The following PPIP5K2 variants were observed in gnomAD, a reference collection of about 807,000 sequenced individuals.
The protein encoded by PPIP5K2 is diphosphoinositol pentakisphosphate kinase 2.
Under a neutral mutation model 154.6 loss-of-function variants are expected in PPIP5K2, and 105 were observed. That is an observed-to-expected ratio of 0.68 (90% CI 0.58 to 0.80). The LOEUF (loss-of-function observed/expected upper bound fraction) is 0.80, where lower values mean the gene tolerates loss of function less well. PPIP5K2 is among the 30% of genes least tolerant of loss of function. PPIP5K2 has a pLI of 0.00. For synonymous variants in PPIP5K2, 480 were observed against 490.3 expected (o/e 0.98, Z 0.28); for missense variants, 992 against 1,504.6 (o/e 0.66, Z 5.64).
At chr5:103,162,832 A>T (rs1554216433) in intron 17 of PPIP5K2, among the ~76,000 whole-genome samples, 1 of 152,042 alleles carries the variant, frequency 6.6e-6, no homozygotes, top group African/African-American at 2.4e-5. Context: ...CTTCACATTT[A>T]TCTGTATATC....
rs1803503190 is a variant in PPIP5K2 at position 103,206,157 on chromosome 5, C to G, written c.*4523C>G. 6.6e-6 allele frequency: 1 copy of G among 152,138 alleles called. No homozygotes were observed. Among genetic ancestry groups the G allele is most frequent in the African/African-American group, 2.4e-5 (1 of 41,420 alleles). 9.4% of individuals were successfully genotyped at this position (152,138 alleles called of 1,614,324 possible). On this transcript the variant is annotated 3_prime_UTR_variant, in exon 31 of 31. Transcript: ENST00000358359. ...TCAGAAAATGTATTATTACACATTT[C>G]TGAAGGTCCAAAGGTGGGGTTGGCT... is the stretch of plus-strand genomic sequence containing the variant.
At chr5:103,187,095 C>A (rs567114746) in intron 27 of PPIP5K2, among the ~76,000 whole-genome samples, 36 of 152,210 alleles carry the variant, frequency 2.4e-4, no homozygotes, top group African/African-American at 7.7e-4. Flanking sequence ...GCCAGCTCAT[C>A]TTGCTTTTCT....
intron 9 of PPIP5K2, 95 bp downstream of exon 9, chr5:103,151,469 T>A: frequency 9.7e-7 from 1 of 1,035,000 alleles, no homozygotes; most frequent in South Asian, 1.6e-5. Context: ...TTTTAAGCAT[T>A]CTAGAGTAAA....
intron 7 of PPIP5K2, 84 bp downstream of exon 7, chr5:103,148,116 C>A: frequency 1.1e-6 from 1 of 950,146 alleles, no homozygotes; most frequent in Non-Finnish European, 1.7e-6. Context: ...TTAGCTATAT[C>A]TAACCTTTAT....
chr5:103,148,244 G>T, intron 7 of PPIP5K2: 1 of 577,812 alleles, frequency 1.7e-6, no homozygotes, highest in Non-Finnish European at 3.1e-6. Context: ...CTTTAAACAT[G>T]TAAGATTATG....
At chr5:103,200,606 GT>G (rs1253656293) in intron 30 of PPIP5K2, among the ~76,000 whole-genome samples, 1 of 148,940 alleles carries the variant, frequency 6.7e-6, no homozygotes, top group African/African-American at 2.5e-5. Context: ...ACCTAGAATG[GT>G]TTTTTATTTT....
chr5:103,153,175 T>C (rs1210573768), intron 10 of PPIP5K2, among the ~76,000 whole-genome samples: 1 of 151,870 alleles, frequency 6.6e-6, no homozygotes, highest in Non-Finnish European at 1.5e-5. Context: ...TAGATATTTA[T>C]ATTAACATGT....
At chr5:103,143,029 A>C (rs1439598473) in intron 5 of PPIP5K2, among the ~76,000 whole-genome samples, 1 of 152,238 alleles carries the variant, frequency 6.6e-6, no homozygotes, top group Non-Finnish European at 1.5e-5. Flanking sequence ...TAAAATGTAG[A>C]GTTTTTAAAA....
At chr5:103,178,694 T>C (rs993669765) in intron 23 of PPIP5K2, among the ~76,000 whole-genome samples, 1 of 151,696 alleles carries the variant, frequency 6.6e-6, no homozygotes, top group Non-Finnish European at 1.5e-5. Flanking sequence ...TTTTTCAGTA[T>C]TGGGTCTTCT....
chr5:103,120,759 C>G (rs1554198721), intron 1 of PPIP5K2: 2 of 322,452 alleles, frequency 6.2e-6, no homozygotes. Flanking sequence ...TGAAGATCAG[C>G]TAAAAGGGAA....
intron 28 of PPIP5K2, 108 bp downstream of exon 28, chr5:103,187,484 A>G: frequency 1.2e-6 from 1 of 851,694 alleles, no homozygotes; most frequent in Non-Finnish European, 1.8e-6. Context: ...CTTCATCCTT[A>G]ATGTCAATTG....
At position 103,201,655 on chromosome 5, in the gene PPIP5K2, C is replaced by A. The variant is rs1562523556; in HGVS notation, c.*21C>A. The A allele has an allele frequency of 5.5e-6, 8 of 1,459,910 alleles. No homozygotes were observed. The highest frequency in any genetic ancestry group is 3.8e-5 in the Admixed American group (2 of 52,542). The allele number at this position is 1,459,910 out of a possible 1,614,324, so 90.4% of individuals were successfully genotyped here. A position where few individuals can be genotyped will look rare whatever the true frequency, so the allele number is the denominator to read the frequency against. ...AATGAAATCTTAGCAGAAGCTGGAA[C>A]TTTTTATACTTATAAAAATAGTATG... On this transcript the variant is annotated 3_prime_UTR_variant, in exon 31 of 31. Transcript: ENST00000358359.
intron 5 of PPIP5K2, among the ~76,000 whole-genome samples, chr5:103,142,531 G>A (rs1205316755): frequency 6.6e-6 from 1 of 152,232 alleles, no homozygotes; most frequent in African/African-American, 2.4e-5. Flanking sequence ...CGCCAAAGTG[G>A]AAGCCCAGGC....
intron 27 of PPIP5K2, among the ~76,000 whole-genome samples, chr5:103,186,653 A>G (rs1201839320): frequency 1.3e-5 from 2 of 152,206 alleles, no homozygotes; most frequent in Admixed American, 6.5e-5. Context: ...TACTTGTACA[A>G]TAAGTTTGTT....
chr5:103,166,739 T>A lies in PPIP5K2; in HGVS notation c.1921-440T>A, dbSNP rs1202856040. Among the ~76,000 whole-genome samples, 15 of 152,128 alleles carry A rather than the reference T, an allele frequency of 9.9e-5. 1 individual carries two copies. In the South Asian group the frequency reaches 1.0e-3, roughly 11 times the overall value. ...AGAGGGAACTAGAGAAAAGAAAATA[T>A]TAAGAAAATTCTAGAGTGAGCTAGA... On this transcript the variant is annotated intron_variant, in intron 17 of 30. Coordinates refer to ENST00000358359, the MANE Select transcript of PPIP5K2 (RefSeq NM_001276277.3).
At chr5:103,174,013 A>G (rs1798354717) in intron 21 of PPIP5K2, 41 bp downstream of exon 21, 4 of 1,388,490 alleles carry the variant, frequency 2.9e-6, no homozygotes, top group Non-Finnish European at 4.0e-6. Context: ...AATATATTTA[A>G]TTTTGTAATT....
intron 14 of PPIP5K2, among the ~76,000 whole-genome samples, chr5:103,157,201 T>G (rs187044042): frequency 1.2e-4 from 18 of 151,542 alleles, no homozygotes; most frequent in African/African-American, 1.7e-4. Context: ...TTGAATTACT[T>G]TTTTTTTCAG....
At position 103,203,427 on chromosome 5, in the gene PPIP5K2, C is replaced by T. The variant is rs1367457691; in HGVS notation, c.*1793C>T. Reference sequence around the variant, plus strand: ...AAGAACTATTACTTTCCTGTAGTCACCAAACTCAGTAGTATTGCTCTGTAG... The same window carrying T: ...AAGAACTATTACTTTCCTGTAGTCATCAAACTCAGTAGTATTGCTCTGTAG... On this transcript the variant is annotated 3_prime_UTR_variant, in exon 31 of 31. Transcript: ENST00000358359. The T allele has an allele frequency of 6.6e-6, 1 of 152,150 alleles. No homozygotes were observed. Among genetic ancestry groups the T allele is most frequent in the African/African-American group, 2.4e-5 (1 of 41,432 alleles). 9.4% of individuals were successfully genotyped at this position (152,150 alleles called of 1,614,324 possible).
At chr5:103,171,665 A>G (rs1279399231) in intron 19 of PPIP5K2, among the ~76,000 whole-genome samples, 1 of 151,572 alleles carries the variant, frequency 6.6e-6, no homozygotes, top group African/African-American at 2.4e-5. Flanking sequence ...ATACAGATAG[A>G]GCAAAAAAAT....
Sources: allele counts gnomAD v4.1 joint callset (sites outside exome capture counted in the v4.1 genomes callset), GRCh38; gene constraint gnomAD v4.1.1; transcripts MANE v1.5; gene names NCBI Gene and HGNC (gene_info 2026-07-23, HGNC 2026-07-21).